NSMCE2: variants seen among roughly 807,000 people sequenced by gnomAD.
The protein encoded by NSMCE2 is E3 SUMO-protein ligase NSE2.
Under a neutral mutation model 23.8 loss-of-function variants are expected in NSMCE2, and 24 were observed. The observed-to-expected ratio is 1.01, with a 90% CI of 0.73 to 1.42. The LOEUF (loss-of-function observed/expected upper bound fraction) is 1.42, where lower values mean the gene tolerates loss of function less well. Among genes scored for constraint, NSMCE2 ranks in the 40% most tolerant of loss-of-function variants. The pLI is 0.00. For synonymous variants in NSMCE2, 92 were observed against 94.1 expected (o/e 0.98, Z 0.13); for missense variants, 284 against 296.5 (o/e 0.96, Z 0.31).
At chr8:125,247,020 T>G (rs914549588) in intron 5 of NSMCE2, among the ~76,000 whole-genome samples, 1 of 126,926 alleles carries the variant, frequency 7.9e-6, no homozygotes, top group Non-Finnish European at 1.7e-5. Context: ...AAATTCTGTA[T>G]TTTTTTTTTT....
At chr8:125,185,387 A>G (rs1205776124) in intron 5 of NSMCE2, among the ~76,000 whole-genome samples, 1 of 151,990 alleles carries the variant, frequency 6.6e-6, no homozygotes, top group Non-Finnish European at 1.5e-5. Context: ...GCTCACTTCA[A>G]CCTCTGCCTC....
At chr8:125,321,956 A>G (rs1829475044) in intron 5 of NSMCE2, among the ~76,000 whole-genome samples, 1 of 152,224 alleles carries the variant, frequency 6.6e-6, no homozygotes, top group Non-Finnish European at 1.5e-5. Context: ...GAGGTTGAGC[A>G]TCTTTATGTA....
chr8:125,310,052 T>G (rs1239322768), intron 5 of NSMCE2, among the ~76,000 whole-genome samples: 1 of 152,200 alleles, frequency 6.6e-6, no homozygotes, highest in Non-Finnish European at 1.5e-5. Context: ...ACAGAGACAC[T>G]GAAGCAAAAT....
chr8:125,242,175 A>G (rs1825789308), intron 5 of NSMCE2, among the ~76,000 whole-genome samples: 1 of 152,168 alleles, frequency 6.6e-6, no homozygotes, highest in South Asian at 2.1e-4. Context: ...CCCAGGAAAT[A>G]TATGTAGAAA....
In NSMCE2 at chr8:125,148,457, T is replaced by A. The variant is rs192854640; in HGVS notation, c.158-2714T>A. Among the ~76,000 whole-genome samples, 202 of 152,314 alleles carry A rather than the reference T, an allele frequency of 1.3e-3. 2 individuals carry two copies. In the East Asian group the frequency reaches 0.02, roughly 15 times the overall value. On this transcript the variant is annotated intron_variant, in intron 3 of 7. Transcript: ENST00000287437. ...TGAATGCTTTCAGAAATTAACTCAT[T>A]TAATCCCAGAGGGAGATTGCTAACA...
At chr8:125,150,867 C>G (rs941516923) in intron 3 of NSMCE2, among the ~76,000 whole-genome samples, 1 of 152,078 alleles carries the variant, frequency 6.6e-6, no homozygotes, top group Non-Finnish European at 1.5e-5. Flanking sequence ...GATTTAAGAT[C>G]ATGTAAGTAA....
intron 5 of NSMCE2, chr8:125,182,561 T>G (rs1203997337): frequency 2.2e-6 from 1 of 454,318 alleles, no homozygotes. Flanking sequence ...GAAAACTATT[T>G]TATTTAAATA....
intron 5 of NSMCE2, among the ~76,000 whole-genome samples, chr8:125,269,564 GT>G: frequency 6.6e-6 from 1 of 152,290 alleles, no homozygotes; most frequent in South Asian, 2.1e-4. Flanking sequence ...ATGAAGAGAA[GT>G]TTTTTACAGC....
At chr8:125,333,118 C>T (rs947782986) in intron 5 of NSMCE2, among the ~76,000 whole-genome samples, 1 of 151,936 alleles carries the variant, frequency 6.6e-6, no homozygotes, top group South Asian at 2.1e-4. Flanking sequence ...CCAGACCTGC[C>T]GAATCAGAAT....
In NSMCE2 at chr8:125,265,383, G is replaced by A. The variant is rs759760729; in HGVS notation, c.418+83127G>A. 5.3e-5 allele frequency among the ~76,000 whole-genome samples: 8 copies of A among 151,986 alleles called. No homozygotes were observed. The South Asian group carries it at 8.3e-4, about 16-fold the overall frequency. The stretch of plus-strand genomic sequence containing the variant: ...ATTACAGGCATGCACCACTGTGCCC[G>A]GCTGATTTTATATTTTTTGAAGAGA... On this transcript the variant is annotated intron_variant, in intron 5 of 7. Coordinates refer to ENST00000287437, the MANE Select transcript of NSMCE2 (RefSeq NM_173685.4).
chr8:125,214,795 A>AT (rs1326118173), intron 5 of NSMCE2, among the ~76,000 whole-genome samples: 1 of 152,058 alleles, frequency 6.6e-6, no homozygotes, highest in Non-Finnish European at 1.5e-5. Flanking sequence ...TGCTGTGTAT[A>AT]TTTTTATGGG....
intron 5 of NSMCE2, among the ~76,000 whole-genome samples, chr8:125,320,001 C>T (rs1043469503): frequency 2.0e-5 from 3 of 151,836 alleles, no homozygotes; most frequent in Non-Finnish European, 2.9e-5. Context: ...CATGGTGAAA[C>T]GCCATCTCTA....
intron 4 of NSMCE2, among the ~76,000 whole-genome samples, chr8:125,176,192 A>G (rs966596444): frequency 5.3e-5 from 8 of 152,186 alleles, no homozygotes; most frequent in Admixed American, 3.9e-4. Flanking sequence ...TTTTGCAGCA[A>G]TTTATTAAAC....
chr8:125,253,966 A>G (rs368917655), intron 5 of NSMCE2, among the ~76,000 whole-genome samples: 7 of 152,158 alleles, frequency 4.6e-5, no homozygotes, highest in East Asian at 3.9e-4. Context: ...AGATTATCCT[A>G]GTGTTCAGGA....
chr8:125,225,981 T>G (rs1438131128), intron 5 of NSMCE2, among the ~76,000 whole-genome samples: 4 of 152,238 alleles, frequency 2.6e-5, no homozygotes, highest in Admixed American at 2.0e-4. Context: ...TCCTTGAGTC[T>G]CTGAAGTTGC....
chr8:125,113,630 T>G (rs932388008), intron 3 of NSMCE2, among the ~76,000 whole-genome samples: 1 of 152,108 alleles, frequency 6.6e-6, no homozygotes, highest in African/African-American at 2.4e-5. Flanking sequence ...CTGAACACAA[T>G]AAAGTGTAAA....
At chr8:125,094,433 A>G (rs1025059810) in intron 1 of NSMCE2, 1 of 152,144 alleles carries the variant, frequency 6.6e-6, no homozygotes, top group African/African-American at 2.4e-5. Flanking sequence ...TTGCTTTTCA[A>G]TTCAATCTCA....
intron 4 of NSMCE2, among the ~76,000 whole-genome samples, chr8:125,179,572 G>C (rs1372410984): frequency 6.6e-6 from 1 of 152,204 alleles, no homozygotes; most frequent in Non-Finnish European, 1.5e-5. Context: ...AGTACAGTCA[G>C]TTCTCTTTGC....
intron 3 of NSMCE2, among the ~76,000 whole-genome samples, chr8:125,105,976 C>T (rs1031513234): frequency 6.6e-6 from 1 of 152,012 alleles, no homozygotes; most frequent in Non-Finnish European, 1.5e-5. Flanking sequence ...CTTAGACAGA[C>T]ACAGAGTCAC....
Sources: allele counts gnomAD v4.1 joint callset (sites outside exome capture counted in the v4.1 genomes callset), GRCh38; gene constraint gnomAD v4.1.1; transcripts MANE v1.5; gene names NCBI Gene and HGNC (gene_info 2026-07-23, HGNC 2026-07-21).